Variants in ARRDC1 observed in about 807,000 individuals in gnomAD.
ARRDC1 encodes the protein arrestin domain-containing protein 1.
A neutral mutation model predicts 40.1 loss-of-function variants in ARRDC1; 37 were observed. The observed-to-expected ratio is 0.92, with a 90% CI of 0.71 to 1.21. ARRDC1 has a LOEUF of 1.21. Among genes scored for constraint, ARRDC1 ranks in the 50% most tolerant of loss-of-function variants. The probability of loss-of-function intolerance (pLI) is 0.00; values close to 1 mark genes in which losing one functional copy is unlikely to be tolerated. For missense variants in ARRDC1, 641 were observed against 581.9 expected (o/e 1.10, Z -1.04); for synonymous variants, 310 against 262.5 (o/e 1.18, Z -1.75).
chr9:137,607,219 C>G (rs1842439026), intron 1 of ARRDC1, among the ~76,000 whole-genome samples: 1 of 152,218 alleles, frequency 6.6e-6, no homozygotes, highest in Admixed American at 6.5e-5. Context: ...GGAGGGTGTA[C>G]CGGGGCCCCC....
chr9:137,610,989 A>C (rs369167533), intron 1 of ARRDC1, among the ~76,000 whole-genome samples: 2 of 152,290 alleles, frequency 1.3e-5, no homozygotes, highest in South Asian at 4.1e-4. Context: ...GAGCCACTGC[A>C]CCCAGCTGGG....
rs142013971 is a variant in ARRDC1, at chr9:137,612,749, G to C, written c.119-147G>C. The stretch of plus-strand genomic sequence containing the variant: ...GACAGGAGATGGGCAGATGTCCTCT[G>C]AAGTGGCATGGGCTGCTTGCTCACT... On this transcript the variant is annotated intron_variant, in intron 1 of 7. Transcript: ENST00000371421. The C allele has an allele frequency of 1.8e-5, 11 of 620,380 alleles. No individual in the cohort carries two copies. The East Asian group carries it at 2.8e-4, about 16-fold the overall frequency. The allele number at this position is 620,380 out of a possible 1,614,324, so 38.4% of individuals were successfully genotyped here. A position where few individuals can be genotyped will look rare whatever the true frequency, so the allele number is the denominator to read the frequency against.
intron 1 of ARRDC1, among the ~76,000 whole-genome samples, chr9:137,608,271 G>C (rs1193051566): frequency 6.6e-6 from 1 of 152,204 alleles, no homozygotes; most frequent in Non-Finnish European, 1.5e-5. Context: ...GTGAGCCACC[G>C]TGCCTGGCCA....
At chr9:137,610,627 G>A (rs1002732002) in intron 1 of ARRDC1, among the ~76,000 whole-genome samples, 1 of 151,440 alleles carries the variant, frequency 6.6e-6, no homozygotes, top group Non-Finnish European at 1.5e-5. Flanking sequence ...GCAGTGGCGC[G>A]ATCTCGGCTC....
At position 137,614,611 on chromosome 9, in the gene ARRDC1, A is replaced by G. The variant is rs758451017; in HGVS notation, c.848A>G (p.Asn283Ser). ...ATVTLPVFIG[N>S]IAVNHAPVSP... Reference sequence around the variant, plus strand: ...GTGACCCTCCCGGTCTTCATTGGCAATATTGCTGTGAACCATGCCCCAGTG... The same window carrying G: ...GTGACCCTCCCGGTCTTCATTGGCAGTATTGCTGTGAACCATGCCCCAGTG... The change falls in exon 7 of 8, where the codon AAT (asparagine) becomes AGT (serine). Residue 283 changes from asparagine to serine, a missense_variant. Asn to Ser is a conservative substitution (Grantham distance 46). Transcript: ENST00000371421. The G allele has an allele frequency of 1.9e-6, 3 of 1,612,722 alleles. No individual in the cohort carries two copies. Among genetic ancestry groups the G allele is most frequent in the Non-Finnish European group, 2.5e-6 (3 of 1,179,798 alleles).
Position 137,614,454 on chromosome 9 carries a change from C to G in ARRDC1, c.774C>G (p.Ile258Met). ...CGGCCCTGCCGGGCTGCAGCCTCAT[C>G]CACATCGACTACTACTTACAGGTTT... The part of the protein sequence containing the change: ...PQSALPGCSL[I>M]HIDYYLQVSL... Residue 258 changes from isoleucine to methionine, a missense_variant, in exon 6 of 8, where the codon ATC (isoleucine) becomes ATG (methionine). Physicochemically the swap from Ile to Met is conservative, Grantham distance 10. Transcript: ENST00000371421. 2 of 1,613,448 alleles carry G rather than the reference C, an allele frequency of 1.2e-6. No homozygotes were observed. Among genetic ancestry groups the G allele is most frequent in the Non-Finnish European group, 1.7e-6 (2 of 1,179,958 alleles).
chr9:137,614,725 C>T lies in ARRDC1; in HGVS notation c.962C>T (p.Ala321Val). The change falls in exon 7 of 8, where the codon GCT becomes GTT. Residue 321 changes from alanine to valine, a missense_variant. Transcript: ENST00000371421. ...CCCCAGGAGGAGGCTGAGGCTGAGGCTGCGGCTGGCGGCCCCCACTTCTTG... is the reference window on the plus strand; with the variant it reads ...CCCCAGGAGGAGGCTGAGGCTGAGGTTGCGGCTGGCGGCCCCCACTTCTTG... Reference protein sequence around the residue: ...APPQEEAEAEAAAGGPHFLDP... With the variant: ...APPQEEAEAEVAAGGPHFLDP... The T allele has an allele frequency of 6.2e-7, 1 of 1,608,514 alleles. No homozygotes were observed.
At chr9:137,613,836 A>G in intron 4 of ARRDC1, 67 bp downstream of exon 4, 2 of 1,590,712 alleles carry the variant, frequency 1.3e-6, no homozygotes, top group Non-Finnish European at 1.7e-6. Context: ...AGAGCTGGGC[A>G]GGCACTGCTT....
At chr9:137,613,383 A>C (rs1024283080) in intron 2 of ARRDC1, 77 bp from the exon 3 acceptor site, 254 of 1,508,370 alleles carry the variant, frequency 1.7e-4, no homozygotes, top group Non-Finnish European at 2.1e-4. Flanking sequence ...TGCAGTGCCC[A>C]CTCTTATCCT....
intron 1 of ARRDC1, 119 bp downstream of exon 1, chr9:137,605,954 CG>C: frequency 1.9e-6 from 1 of 534,074 alleles, no homozygotes; most frequent in Non-Finnish European, 2.7e-6. Flanking sequence ...CTTCGCCGCC[CG>C]GGACTGCTGG....
chr9:137,613,940 C>A, intron 4 of ARRDC1, 92 bp from the exon 5 acceptor site: 1 of 1,553,230 alleles, frequency 6.4e-7, no homozygotes. Context: ...TGTCCAGGGG[C>A]AGGGCGTGGC....
chr9:137,611,531 C>T (rs1333914374), intron 1 of ARRDC1: 2 of 152,966 alleles, frequency 1.3e-5, no homozygotes, highest in South Asian at 2.0e-4. Flanking sequence ...TGCACACTAG[C>T]CTGGGCGGCG....
intron 1 of ARRDC1, among the ~76,000 whole-genome samples, chr9:137,609,904 T>C (rs1015213097): frequency 4.0e-5 from 6 of 151,568 alleles, no homozygotes; most frequent in Admixed American, 6.6e-5. Context: ...AGCTCCACCT[T>C]CCGGGTTCAC....
chr9:137,610,742 T>C (rs1276787435), intron 1 of ARRDC1, among the ~76,000 whole-genome samples: 1 of 152,232 alleles, frequency 6.6e-6, no homozygotes, highest in Non-Finnish European at 1.5e-5. Flanking sequence ...TTCGTATTTC[T>C]AGTAGAGATG....
Position 137,613,748 on chromosome 9 carries a change from G to C in ARRDC1, c.414G>C (p.Leu138=). The C allele has an allele frequency of 6.2e-7, 1 of 1,614,202 alleles. No individual in the cohort carries two copies. Among genetic ancestry groups the C allele is most frequent in the Non-Finnish European group, 8.5e-7 (1 of 1,180,034 alleles). The part of the protein sequence containing the change: ...LVFYILSPLN[L]NSIPDIEQPN... ...TCTATATCTTGAGCCCCTTGAACCTGAACAGCATCCCAGACATTGAGGTGA... is the reference window on the plus strand; with the variant it reads ...TCTATATCTTGAGCCCCTTGAACCTCAACAGCATCCCAGACATTGAGGTGA... Residue 138 remains leucine (L), a synonymous_variant, in exon 4 of 8, where the codon CTG becomes CTC. Transcript: ENST00000371421.
At position 137,612,981 on chromosome 9, in the gene ARRDC1, C is replaced by T. The variant is rs147275093; in HGVS notation, c.204C>T (p.Asn68=). 6 of 1,614,094 alleles carry T rather than the reference C, an allele frequency of 3.7e-6. No individual in the cohort carries two copies. The highest frequency in any genetic ancestry group is 5.1e-6 in the Non-Finnish European group (6 of 1,179,950). ...TAWVVEEGYF[N]SSLSLADKGS... ...GGGTAGTGGAGGAGGGTTACTTCAA[C>T]AGTTCCCTGTCGCTGGCAGACAAGG... The change falls in exon 2 of 8, where the codon AAC becomes AAT. Residue 68 remains asparagine, a synonymous_variant. Transcript: ENST00000371421.
chr9:137,612,945 T>C lies in ARRDC1; in HGVS notation c.168T>C (p.Asn56=). The change falls in exon 2 of 8, where the codon AAT becomes AAC. Residue 56 remains asparagine, a synonymous_variant. Transcript: ENST00000371421. ...IGSCGVSNKA[N]DTAWVVEEGY... Reference sequence around the variant, plus strand: ...CCTGCGGGGTCTCCAACAAGGCTAATGACACAGCGTGGGTAGTGGAGGAGG... The same window carrying C: ...CCTGCGGGGTCTCCAACAAGGCTAACGACACAGCGTGGGTAGTGGAGGAGG... The C allele has an allele frequency of 6.2e-7, 1 of 1,614,194 alleles. No homozygotes were observed. The highest frequency in any genetic ancestry group is 1.1e-5 in the South Asian group (1 of 91,088).
At position 137,614,061 on chromosome 9, in the gene ARRDC1, G is replaced by C. The variant is rs536564852; in HGVS notation, c.465G>C (p.Lys155Asn). Residue 155 changes from lysine to asparagine, a missense_variant, in exon 5 of 8, where the codon AAG (lysine) becomes AAC (asparagine). By Grantham distance (94) the Lys-to-Asn change is moderately conservative (BLOSUM62 0). Coordinates refer to ENST00000371421, the MANE Select transcript of ARRDC1 (RefSeq NM_152285.4). ...CCAACGTGGCCTCTGCCACCAAGAA[G>C]TTCTCCTACAAGCTGGTGAAGACGG... ...EQPNVASATKKFSYKLVKTGS... is the reference protein window; with the variant it reads ...EQPNVASATKNFSYKLVKTGS... 1 of 1,613,824 alleles carries C rather than the reference G, an allele frequency of 6.2e-7. No homozygotes were observed. The highest frequency in any genetic ancestry group is 1.6e-4 in the Middle Eastern group (1 of 6,062).
chr9:137,615,270 C>A lies in ARRDC1; in HGVS notation c.*132C>A. ...CAGCCTCTGCCAGCTCCTCTGGCAT[C>A]CGCCCTCTTCTCCCTGGGGCTGGGG... is the stretch of plus-strand genomic sequence containing the variant. On this transcript the variant is annotated 3_prime_UTR_variant, in exon 8 of 8. Transcript: ENST00000371421. 1.2e-6 allele frequency: 1 copy of A among 849,242 alleles called. No individual in the cohort carries two copies. The highest frequency in any genetic ancestry group is 1.7e-6 in the Non-Finnish European group (1 of 586,568). The allele number at this position is 849,242 out of a possible 1,614,324, so 52.6% of individuals were successfully genotyped here.
Sources: gnomAD v4.1 joint callset for allele counts (sites outside exome capture counted in the v4.1 genomes callset) on GRCh38, gnomAD v4.1.1 for gene constraint, MANE v1.5 for transcripts, NCBI Gene and HGNC (gene_info 2026-07-23, HGNC 2026-07-21) for gene names.